Variants in CMC2 observed in about 807,000 individuals in gnomAD.
The protein encoded by CMC2 is COX assembly mitochondrial protein 2 homolog.
In CMC2, 5 loss-of-function variants were observed where a neutral mutation model predicts 7.5. The ratio of observed to expected loss-of-function variants is 0.66; its 90% confidence interval spans 0.35 to 1.40. The LOEUF (loss-of-function observed/expected upper bound fraction) is 1.40. Ranked by LOEUF, CMC2 falls within the 40% of genes most tolerant of loss-of-function variation. The pLI, the probability that CMC2 is intolerant of heterozygous loss-of-function variation, is 0.04. For synonymous variants in CMC2, 37 were observed against 31.4 expected (o/e 1.18, Z -0.60); for missense variants, 115 against 92.3 (o/e 1.25, Z -1.01).
At chr16:80,988,794 C>A (rs1227564987) in intron 2 of CMC2, among the ~76,000 whole-genome samples, 1 of 97,660 alleles carries the variant, frequency 1.0e-5, no homozygotes, top group East Asian at 3.0e-4. Context: ...TTAGTTGTCA[C>A]GTCTTTTTAG....
chr16:81,001,708 GC>G (rs1968881119), intron 1 of CMC2, among the ~76,000 whole-genome samples: 1 of 151,976 alleles, frequency 6.6e-6, no homozygotes, highest in African/African-American at 2.4e-5. Flanking sequence ...AATTCAAACT[GC>G]CCATCCACCT....
chr16:80,992,721 T>TTG (rs1555516118), intron 2 of CMC2, among the ~76,000 whole-genome samples: 177 of 136,314 alleles, frequency 1.3e-3, no homozygotes, highest in South Asian at 2.1e-3. Flanking sequence ...TTTTTTTTTT[T>TTG]TGTGTAAAGA....
At chr16:80,996,888 A>G (rs1258571678) in intron 2 of CMC2, 3 of 311,300 alleles carry the variant, frequency 9.6e-6, no homozygotes, top group African/African-American at 2.2e-5. Context: ...TCATAAATCT[A>G]GTTAATGTCT....
intron 3 of CMC2, among the ~76,000 whole-genome samples, chr16:80,977,621 T>A (rs1231992214): frequency 6.6e-6 from 1 of 152,218 alleles, no homozygotes; most frequent in Non-Finnish European, 1.5e-5. Flanking sequence ...GATTCATGAC[T>A]TTGAGTTACT....
chr16:80,994,739 T>C (rs1293766150), intron 2 of CMC2, among the ~76,000 whole-genome samples: 1 of 152,200 alleles, frequency 6.6e-6, no homozygotes, highest in Non-Finnish European at 1.5e-5. Flanking sequence ...TAGTATAAAA[T>C]GGAAAACAGT....
chr16:80,988,183 C>T (rs1016805570), intron 2 of CMC2, among the ~76,000 whole-genome samples: 7 of 152,042 alleles, frequency 4.6e-5, no homozygotes, highest in African/African-American at 1.2e-4. Context: ...GACATCCTCC[C>T]GATAAACTTT....
chr16:80,987,905 G>A (rs948871673), intron 2 of CMC2, among the ~76,000 whole-genome samples: 4 of 152,154 alleles, frequency 2.6e-5, no homozygotes, highest in Non-Finnish European at 5.9e-5. Context: ...GCCAGGCACA[G>A]TGGCTCATGC....
At chr16:81,005,318 A>G (rs1969191601) in intron 1 of CMC2, among the ~76,000 whole-genome samples, 1 of 152,152 alleles carries the variant, frequency 6.6e-6, no homozygotes, top group South Asian at 2.1e-4. Context: ...AGGTTGAGGC[A>G]CGAGAATCAC....
chr16:80,978,082 G>C (rs1035365326), intron 3 of CMC2, among the ~76,000 whole-genome samples: 7 of 110,848 alleles, frequency 6.3e-5, no homozygotes, highest in African/African-American at 2.6e-4. Flanking sequence ...CAAAAAAAAA[G>C]CTACTTTAAA....
At chr16:80,976,283 G>C (rs1878719620) in intron 3 of CMC2, 104 bp from the exon 4 acceptor site, 3 of 616,926 alleles carry the variant, frequency 4.9e-6, no homozygotes, top group Non-Finnish European at 5.6e-6. Flanking sequence ...TGTCCTTTGA[G>C]GTTAACAGGG....
intron 2 of CMC2, chr16:80,991,813 A>C: frequency 2.6e-6 from 1 of 390,456 alleles, no homozygotes; most frequent in Non-Finnish European, 5.1e-6. Flanking sequence ...AAACAAGACA[A>C]ATTCAAACAG....
At chr16:80,993,789 T>C (rs1208895824) in intron 2 of CMC2, among the ~76,000 whole-genome samples, 2 of 152,158 alleles carry the variant, frequency 1.3e-5, no homozygotes. Context: ...TCATCAACAA[T>C]GTTCAGCCTC....
chr16:80,985,580 G>T (rs1967456072), intron 2 of CMC2, among the ~76,000 whole-genome samples: 1 of 151,816 alleles, frequency 6.6e-6, no homozygotes, highest in Non-Finnish European at 1.5e-5. Flanking sequence ...AAATATTGTA[G>T]ATATCACCCA....
chr16:81,003,456 C>G (rs780301616), intron 1 of CMC2, among the ~76,000 whole-genome samples: 2 of 152,132 alleles, frequency 1.3e-5, no homozygotes, highest in South Asian at 2.1e-4. Context: ...TCAGTTGAAC[C>G]ATGAGAAACT....
At chr16:80,993,148 T>C (rs1024258069) in intron 2 of CMC2, among the ~76,000 whole-genome samples, 1 of 152,232 alleles carries the variant, frequency 6.6e-6, no homozygotes, top group Non-Finnish European at 1.5e-5. Flanking sequence ...TGCTATTTAC[T>C]TAAAAATCTA....
intron 3 of CMC2, chr16:80,978,562 G>A: frequency 2.8e-6 from 1 of 352,152 alleles, no homozygotes; most frequent in Non-Finnish European, 5.3e-6. Context: ...TACTATTAGT[G>A]TTTCTTTTCA....
intron 3 of CMC2, among the ~76,000 whole-genome samples, chr16:80,977,628 T>G (rs1912572262): frequency 6.6e-6 from 1 of 152,184 alleles, no homozygotes; most frequent in Non-Finnish European, 1.5e-5. Flanking sequence ...GACTTTGAGT[T>G]ACTTCACTCT....
intron 2 of CMC2, among the ~76,000 whole-genome samples, chr16:80,994,823 A>C (rs1481645183): frequency 4.6e-5 from 7 of 152,182 alleles, no homozygotes. Context: ...TATTTACCCA[A>C]GAGAAATAAA....
At position 80,981,897 on chromosome 16, in the gene CMC2, T is replaced by C; in HGVS notation, c.82-20A>G. The C allele has an allele frequency of 6.5e-7, 1 of 1,538,878 alleles. No homozygotes were observed. The highest frequency in any genetic ancestry group is 1.4e-5 in the African/African-American group (1 of 73,362). ...GTTGTGCTAAAAGGAAGAAAAGGAG[T>C]AAAATATTTCATCCCATAATATGCC... On this transcript the variant is annotated intron_variant, in intron 2 of 3. Coordinates refer to ENST00000219400, the MANE Select transcript of CMC2 (RefSeq NM_020188.5).
Sources: allele counts gnomAD v4.1 joint callset (sites outside exome capture counted in the v4.1 genomes callset), GRCh38; gene constraint gnomAD v4.1.1; transcripts MANE v1.5; gene names NCBI Gene and HGNC (gene_info 2026-07-23, HGNC 2026-07-21).